The following KDM2B variants were observed in gnomAD, a reference collection of about 807,000 sequenced individuals.
KDM2B encodes the protein lysine demethylase 2B.
In KDM2B, 26 loss-of-function variants were observed where a neutral mutation model predicts 150.0. That is an observed-to-expected ratio of 0.17 (90% CI 0.13 to 0.24). KDM2B has a LOEUF of 0.24. KDM2B is among the 10% of genes least tolerant of loss of function. The pLI is 1.00. For synonymous variants in KDM2B, 734 were observed against 729.5 expected (o/e 1.01, Z -0.10); for missense variants, 1,265 against 1,816.9 (o/e 0.70, Z 5.52).
chr12:121,571,898 G>A (rs1891123164), intron 4 of KDM2B, among the ~76,000 whole-genome samples: 1 of 151,978 alleles, frequency 6.6e-6, no homozygotes, highest in Non-Finnish European at 1.5e-5. Context: ...TGATTCGCCC[G>A]CGTCGGCCTC....
intron 11 of KDM2B, among the ~76,000 whole-genome samples, chr12:121,494,999 CTTTT>C (rs71079074): frequency 1.4e-5 from 2 of 138,578 alleles, no homozygotes; most frequent in East Asian, 2.1e-4. Flanking sequence ...CAAACTTTTT[CTTTT>C]TTTTTTTTTT....
chr12:121,521,107 TG>T lies in KDM2B; in HGVS notation c.932-8del, dbSNP rs782533364. On this transcript the variant is annotated splice_region_variant and splice_polypyrimidine_tract_variant and intron_variant, in intron 8 of 22. Transcript: ENST00000377071. This position sits in a 1 kb window ranked among gnomAD's most constrained non-coding sequence, Gnocchi z 4.9. ...TAGACGGCATGGATCCAACCTGGGG[TG>T]GGAAGGGCAAGGAGAGGATGAGCCG... The T allele has an allele frequency of 6.2e-7, 1 of 1,604,906 alleles. No homozygotes were observed. Among genetic ancestry groups the T allele is most frequent in the South Asian group, 1.1e-5 (1 of 90,868 alleles).
At chr12:121,555,557 G>A (rs1889826839) in intron 4 of KDM2B, among the ~76,000 whole-genome samples, 1 of 152,098 alleles carries the variant, frequency 6.6e-6, no homozygotes, top group Non-Finnish European at 1.5e-5. Flanking sequence ...ATTTTTTGTA[G>A]GGACGGGGTT....
chr12:121,441,757 G>A (rs1875111984), intron 19 of KDM2B, among the ~76,000 whole-genome samples: 2 of 152,170 alleles, frequency 1.3e-5, no homozygotes, highest in Admixed American at 6.5e-5. Context: ...GCTTTACAAC[G>A]CCCTCTACCG....
intron 4 of KDM2B, among the ~76,000 whole-genome samples, chr12:121,572,019 G>A (rs748423290): frequency 6.6e-5 from 10 of 152,014 alleles, no homozygotes; most frequent in Non-Finnish European, 1.5e-4. Context: ...GTAGTAGCAA[G>A]ACCCCATCTC....
chr12:121,438,796 G>A (rs1244779840), intron 22 of KDM2B, among the ~76,000 whole-genome samples: 2 of 151,654 alleles, frequency 1.3e-5, no homozygotes, highest in African/African-American at 4.9e-5. Context: ...TTGATGAGAT[G>A]GGGATGTCCT....
rs1419130296 is a variant in KDM2B at position 121,535,996 on chromosome 12, G to A, written c.684-1406C>T. On this transcript the variant is annotated intron_variant, in intron 6 of 22. Coordinates refer to ENST00000377071, the MANE Select transcript of KDM2B (RefSeq NM_032590.5). The stretch of plus-strand genomic sequence containing the variant: ...ATGCACCTTGGCACCTCCGGAGCCC[G>A]CAACACATGCTTACCCCACTGACCT... 7.3e-5 allele frequency: 70 copies of A among 958,496 alleles called. 1 individual carries two copies. Among genetic ancestry groups the A allele is most frequent in the Non-Finnish European group, 8.7e-5 (70 of 805,590 alleles). 59.4% of individuals were successfully genotyped at this position (958,496 alleles called of 1,614,324 possible).
chr12:121,517,841 C>T lies in KDM2B; in HGVS notation c.1047+3144G>A, dbSNP rs1008742468. On this transcript the variant is annotated intron_variant, in intron 9 of 22. Transcript: ENST00000377071. ...AGACTGACCGATGGTTCCCTCTGTC[C>T]CACCTCCTGCATTTGGTTTCCAGGC... 3.9e-5 allele frequency among the ~76,000 whole-genome samples: 6 copies of T among 152,140 alleles called. No homozygotes were observed. The East Asian group carries it at 1.2e-3, about 30-fold the overall frequency.
chr12:121,441,003 G>A (rs2137997141), intron 20 of KDM2B, 26 bp from the exon 21 acceptor site: 5 of 1,612,670 alleles, frequency 3.1e-6, no homozygotes, highest in South Asian at 2.2e-5. Context: ...AAAGGGTGAA[G>A]GTCAGGGGAT....
chr12:121,456,525 G>T (rs534580598), intron 12 of KDM2B, among the ~76,000 whole-genome samples: 1 of 152,226 alleles, frequency 6.6e-6, no homozygotes, highest in East Asian at 1.9e-4. Context: ...CACCTCCCAG[G>T]ACAAAACCAG....
intron 4 of KDM2B, among the ~76,000 whole-genome samples, chr12:121,554,757 G>A (rs1213511446): frequency 1.3e-5 from 2 of 151,976 alleles, no homozygotes; most frequent in African/African-American, 4.8e-5. Flanking sequence ...TTTAATCCCA[G>A]GTATATATAC....
At chr12:121,473,556 T>G (rs1555296229) in intron 12 of KDM2B, among the ~76,000 whole-genome samples, 1 of 151,248 alleles carries the variant, frequency 6.6e-6, no homozygotes, top group African/African-American at 2.4e-5. Flanking sequence ...CTGTCTCTAC[T>G]AAAAATACAA....
chr12:121,452,342 C>T lies in KDM2B; in HGVS notation c.1959+778G>A, dbSNP rs115227270. The stretch of plus-strand genomic sequence containing the variant: ...AAGAAATATGCGTGGAAGGAGATGG[C>T]TGAGGTGTCTGGGCCTGCGGGGCAT... On this transcript the variant is annotated intron_variant, in intron 13 of 22. Transcript: ENST00000377071. This position sits in a 1 kb window ranked among gnomAD's most constrained non-coding sequence, Gnocchi z 4.4. Among the ~76,000 whole-genome samples the T allele has an allele frequency of 6.6e-6, 1 of 152,218 alleles. No individual in the cohort carries two copies. Among genetic ancestry groups the T allele is most frequent in the Non-Finnish European group, 1.5e-5 (1 of 68,044 alleles).
intron 11 of KDM2B, among the ~76,000 whole-genome samples, chr12:121,501,395 T>C (rs1163691839): frequency 6.6e-6 from 1 of 151,652 alleles, no homozygotes; most frequent in Non-Finnish European, 1.5e-5. Flanking sequence ...AAAAAATAAA[T>C]AAAATAAATA....
At chr12:121,443,477 C>G (rs1236753984) in intron 17 of KDM2B, 1 of 600,748 alleles carries the variant, frequency 1.7e-6, no homozygotes, top group African/African-American at 1.9e-5. Context: ...GGACTCACAG[C>G]TTCCATCCCA....
the KDM2B span, among the ~76,000 whole-genome samples, chr12:121,422,942 T>C: frequency 6.6e-6 from 1 of 152,166 alleles, no homozygotes; most frequent in Non-Finnish European, 1.5e-5. Context: ...CTTTTCCTAC[T>C]GAGATGAGGC....
intron 6 of KDM2B, among the ~76,000 whole-genome samples, chr12:121,543,419 C>T (rs1888759942): frequency 6.6e-6 from 1 of 151,338 alleles, no homozygotes; most frequent in South Asian, 2.1e-4. Flanking sequence ...GGCTCACACC[C>T]ATATTTGTAA....
chr12:121,488,834 C>T (rs1555299438), intron 12 of KDM2B, among the ~76,000 whole-genome samples: 2 of 148,934 alleles, frequency 1.3e-5, no homozygotes, highest in South Asian at 2.1e-4. Flanking sequence ...GACGGAGTTT[C>T]GCTCTTGTTG....
intron 12 of KDM2B, among the ~76,000 whole-genome samples, chr12:121,485,635 G>T (rs1593912681): frequency 6.6e-6 from 1 of 152,016 alleles, no homozygotes; most frequent in Non-Finnish European, 1.5e-5. Context: ...AGAACGGGGG[G>T]TGAGTGTTAA....
Sources: gnomAD v4.1 joint callset for allele counts (sites outside exome capture counted in the v4.1 genomes callset) on GRCh38, gnomAD v4.1.1 for gene constraint, Gnocchi (gnomAD v3.1) non-coding constraint, MANE v1.5 for transcripts, NCBI Gene and HGNC (gene_info 2026-07-23, HGNC 2026-07-21) for gene names.